MMRN2: variants seen among roughly 807,000 people sequenced by gnomAD.
MMRN2 encodes multimerin 2.
Under a neutral mutation model 68.8 loss-of-function variants are expected in MMRN2, and 53 were observed. That is an observed-to-expected ratio of 0.77 (90% CI 0.62 to 0.97). MMRN2 has a LOEUF of 0.97. Among genes scored for constraint, MMRN2 ranks in the 50% least tolerant of loss-of-function variants. The pLI is 0.00. For missense variants in MMRN2, 1,266 were observed against 1,259.5 expected, an observed-to-expected ratio of 1.01 and a Z score of -0.08; for synonymous variants, 564 against 551.6, an observed-to-expected ratio of 1.02 and a Z score of -0.32.
chr10:86,937,231 T>A (rs1461003827), intron 6 of MMRN2, 106 bp from the exon 7 acceptor site: 1 of 1,210,788 alleles, frequency 8.3e-7, no homozygotes, highest in Non-Finnish European at 1.1e-6. Flanking sequence ...TGGAAATAGG[T>A]CACTATTTCT....
Position 86,943,319 on chromosome 10 carries a change from C to A in MMRN2, c.1465G>T (p.Val489Leu), listed in dbSNP as rs755397034. ...QGGHADLIKYVKDCNCQKLYL... is the reference protein window; with the variant it reads ...QGGHADLIKYLKDCNCQKLYL... The stretch of plus-strand genomic sequence containing the variant: ...AGCTTCTGGCAATTGCAGTCCTTCA[C>A]GTACTTGATGAGGTCGGCATGGCCA... Residue 489 changes from valine (V) to leucine (L), a missense_variant, in exon 6 of 7, where the codon GTG (valine) becomes TTG (leucine). Transcript: ENST00000372027. The surrounding 1 kb of genome is among the most constrained non-coding windows in gnomAD (Gnocchi z 4.2). 1 of 1,613,880 alleles carries A rather than the reference C, an allele frequency of 6.2e-7. No individual in the cohort carries two copies. The highest frequency in any genetic ancestry group is 8.5e-7 in the Non-Finnish European group (1 of 1,180,000).
rs1812510838 is a variant in MMRN2, at chr10:86,942,680, G to A, written c.2104C>T (p.Gln702Ter). ...TTCTTGACGTCGTTGCTCAGGCTCT[G>A]GAGCTCCCGCGCCAGCCCGGCCAGG... is the stretch of plus-strand genomic sequence containing the variant. ...TALAGLAREL[Q>*]SLSNDVKNVG... Residue 702 changes from glutamine (Q) to a stop codon, truncating the protein, a stop_gained, in exon 6 of 7, where the codon CAG becomes TAG. Coordinates refer to ENST00000372027, the MANE Select transcript of MMRN2 (RefSeq NM_024756.3). LOFTEE classifies it high-confidence loss of function. The A allele has an allele frequency of 2.5e-6, 4 of 1,584,488 alleles. No homozygotes were observed. The African/African-American group carries it at 5.4e-5, about 21-fold the overall frequency.
At chr10:86,945,319 G>A in intron 3 of MMRN2, 51 bp from the exon 4 acceptor site, 1 of 1,610,442 alleles carries the variant, frequency 6.2e-7, no homozygotes, top group Non-Finnish European at 8.5e-7. Context: ...GGAGCTGCTT[G>A]ACCTTGGGGA....
At chr10:86,941,221 G>A (rs963486352) in intron 6 of MMRN2, among the ~76,000 whole-genome samples, 3 of 152,202 alleles carry the variant, frequency 2.0e-5, no homozygotes, top group Non-Finnish European at 4.4e-5. Flanking sequence ...AGGGCCCACG[G>A]CTTTCCCTGT....
At position 86,942,671 on chromosome 10, in the gene MMRN2, T is replaced by C; in HGVS notation, c.2113A>G (p.Ser705Gly). 1 of 1,592,728 alleles carries C rather than the reference T, an allele frequency of 6.3e-7. No homozygotes were observed. The highest frequency in any genetic ancestry group is 8.5e-7 in the Non-Finnish European group (1 of 1,176,552). The change falls in exon 6 of 7, where the codon AGC becomes GGC. Residue 705 changes from serine (S) to glycine (G), a missense_variant. Transcript: ENST00000372027. ...AGLARELQSL[S>G]NDVKNVGRCC... ...CGCCCGACATTCTTGACGTCGTTGC[T>C]CAGGCTCTGGAGCTCCCGCGCCAGC...
intron 6 of MMRN2, 28 bp from the exon 7 acceptor site, chr10:86,937,153 G>A (rs1843892692): frequency 6.2e-7 from 1 of 1,606,380 alleles, no homozygotes; most frequent in Non-Finnish European, 8.5e-7. Context: ...AGTGCTTAGT[G>A]ATTCATCCCT....
chr10:86,942,995 C>T lies in MMRN2; in HGVS notation c.1789G>A (p.Ala597Thr). ...HEVRQLHSAF[A>T]ALLEDALRHE... ...CGCAGCGCGTCCTCCAGCAGGGCGG[C>T]GAAGGCGCTGTGCAGCTGGCGCACC... The change falls in exon 6 of 7, where the codon GCC becomes ACC. Residue 597 changes from alanine to threonine, a missense_variant. Coordinates refer to ENST00000372027, the MANE Select transcript of MMRN2 (RefSeq NM_024756.3). 1.4e-6 allele frequency: 2 copies of T among 1,451,958 alleles called. No individual in the cohort carries two copies. The highest frequency in any genetic ancestry group is 1.8e-6 in the Non-Finnish European group (2 of 1,101,890). 89.9% of individuals were successfully genotyped at this position (1,451,958 alleles called of 1,614,324 possible).
chr10:86,941,836 AAC>A (rs1433223650), intron 6 of MMRN2, among the ~76,000 whole-genome samples: 3 of 32,526 alleles, frequency 9.2e-5, no homozygotes, highest in Middle Eastern at 0.017. Flanking sequence ...AGAAAAAAAA[AAC>A]AAAAAAAAAA....
intron 1 of MMRN2, among the ~76,000 whole-genome samples, chr10:86,953,732 ACTCT>A (rs1844175756): frequency 6.6e-6 from 1 of 152,172 alleles, no homozygotes; most frequent in African/African-American, 2.4e-5. Flanking sequence ...GGGCTGAGAA[ACTCT>A]CTCTAAACAA....
In MMRN2 at chr10:86,943,106, C is replaced by T. The variant is rs1453809344; in HGVS notation, c.1678G>A (p.Ala560Thr). The T allele has an allele frequency of 6.8e-6, 10 of 1,469,140 alleles. 1 individual carries two copies. Among genetic ancestry groups the T allele is most frequent in the Non-Finnish European group, 5.4e-6 (6 of 1,119,830 alleles). 91.0% of individuals were successfully genotyped at this position (1,469,140 alleles called of 1,614,324 possible). The change falls in exon 6 of 7, where the codon GCC becomes ACC. Residue 560 changes from alanine to threonine, a missense_variant. By Grantham distance (58) the Ala-to-Thr change is moderately conservative (BLOSUM62 0). Coordinates refer to ENST00000372027, the MANE Select transcript of MMRN2 (RefSeq NM_024756.3). This position sits in a 1 kb window ranked among gnomAD's most constrained non-coding sequence, Gnocchi z 4.2. ...HKAEGERARA[A>T]TSRLRSQVQA... ...ACTTGGCTCCGGAGCCGCGACGTGG[C>T]CGCCCGCGCCCGCTCGCCCTCCGCT...
Position 86,943,360 on chromosome 10 carries a change from A to G in MMRN2, c.1424T>C (p.Leu475Pro). Residue 475 changes from leucine (L) to proline (P), a missense_variant, in exon 6 of 7, where the codon CTG becomes CCG. Transcript: ENST00000372027. The surrounding 1 kb of genome is among the most constrained non-coding windows in gnomAD (Gnocchi z 4.2). ...ERQLLELNLT[L>P]QHLQGGHADL... ...GGCATGGCCACCCTGCAGGTGCTGC[A>G]GCGTGAGGTTGAGCTCCAGGAGCTG... 6.2e-7 allele frequency: 1 copy of G among 1,613,986 alleles called. No homozygotes were observed. Among genetic ancestry groups the G allele is most frequent in the Non-Finnish European group, 8.5e-7 (1 of 1,180,018 alleles).
chr10:86,948,683 G>A (rs1844105102), intron 1 of MMRN2: 1 of 152,246 alleles, frequency 6.6e-6, no homozygotes, highest in Non-Finnish European at 1.5e-5. Context: ...GCCGGGCATG[G>A]TGGCTCATGC....
At chr10:86,939,997 C>T (rs1397664590) in intron 6 of MMRN2, among the ~76,000 whole-genome samples, 1 of 150,340 alleles carries the variant, frequency 6.7e-6, no homozygotes, top group Non-Finnish European at 1.5e-5. Context: ...ATTACAGGTG[C>T]CTGCCACCAC....
At chr10:86,951,122 A>G (rs1277209863) in intron 1 of MMRN2, among the ~76,000 whole-genome samples, 1 of 152,214 alleles carries the variant, frequency 6.6e-6, no homozygotes, top group East Asian at 1.9e-4. Flanking sequence ...CCTCCTAAGA[A>G]GTAGCAATGC....
intron 6 of MMRN2, among the ~76,000 whole-genome samples, chr10:86,941,742 G>A (rs1377451333): frequency 2.1e-5 from 3 of 146,172 alleles, no homozygotes; most frequent in Non-Finnish European, 4.5e-5. Context: ...CTAGGCTGCA[G>A]TGAGCCATGA....
chr10:86,936,835 C>A lies in MMRN2; in HGVS notation c.2758G>T (p.Glu920Ter). The A allele has an allele frequency of 1.2e-6, 2 of 1,614,230 alleles. No individual in the cohort carries two copies. Among genetic ancestry groups the A allele is most frequent in the South Asian group, 2.2e-5 (2 of 91,078 alleles). Residue 920 changes from glutamate to a stop codon, truncating the protein, a stop_gained, in exon 7 of 7, where the codon GAG becomes TAG. Transcript: ENST00000372027. LOFTEE classifies it high-confidence loss of function. ...VFAMAELQKG[E>*]RVWFELTQGS... is the part of the protein sequence containing the mutation. The stretch of plus-strand genomic sequence containing the variant: ...TGGGTTAACTCAAACCATACTCGCT[C>A]ACCCTTCTGCAGCTCAGCCATGGCA...
At chr10:86,949,065 A>G (rs937407146) in intron 1 of MMRN2, 6 of 152,250 alleles carry the variant, frequency 3.9e-5, no homozygotes, top group African/African-American at 2.4e-5. Flanking sequence ...AAAACATGTC[A>G]TATGAAATTT....
At position 86,943,623 on chromosome 10, in the gene MMRN2, C is replaced by T. The variant is rs746994535; in HGVS notation, c.1161G>A (p.Thr387=). 7 of 1,613,786 alleles carry T rather than the reference C, an allele frequency of 4.3e-6. No homozygotes were observed. In the East Asian group the frequency reaches 1.1e-4, roughly 26 times the overall value. Residue 387 remains threonine, a synonymous_variant, in exon 6 of 7, where the codon ACG becomes ACA. Transcript: ENST00000372027. This position sits in a 1 kb window ranked among gnomAD's most constrained non-coding sequence, Gnocchi z 4.2. ...QRNLSELHMT[T]ARREEELQYT... ...ACTGCAACTCCTCCTCCCTGCGGGC[C>T]GTGGTCATGTGCAGCTCTGAGAGGT...
At chr10:86,955,208 C>T (rs1039349295) in intron 1 of MMRN2, among the ~76,000 whole-genome samples, 1 of 152,076 alleles carries the variant, frequency 6.6e-6, no homozygotes, top group African/African-American at 2.4e-5. Context: ...TGGGGCTCAG[C>T]ACGGTCCCTA....
Sources: allele counts gnomAD v4.1 joint callset (sites outside exome capture counted in the v4.1 genomes callset), GRCh38; gene constraint gnomAD v4.1.1; non-coding constraint Gnocchi (gnomAD v3.1); transcripts MANE v1.5; gene names NCBI Gene and HGNC (gene_info 2026-07-23, HGNC 2026-07-21).